XPR1: variants seen among roughly 807,000 people sequenced by gnomAD.
XPR1 encodes the protein xenotropic and polytropic retrovirus receptor 1, also known as solute carrier family 53 member 1.
Under a neutral mutation model 87.5 loss-of-function variants are expected in XPR1, and 28 were observed. The observed-to-expected ratio is 0.32, with a 90% CI of 0.24 to 0.44. XPR1 has a LOEUF of 0.44. Among genes scored for constraint, XPR1 ranks in the 20% least tolerant of loss-of-function variants. The pLI, the probability that XPR1 is intolerant of heterozygous loss-of-function variation, is 1.00. For synonymous variants in XPR1, 300 were observed against 306.1 expected (o/e 0.98, Z 0.21); for missense variants, 559 against 862.3 (o/e 0.65, Z 4.41).
At chr1:180,785,318 A>G (rs1400721468) in intron 2 of XPR1, among the ~76,000 whole-genome samples, 1 of 151,620 alleles carries the variant, frequency 6.6e-6, no homozygotes, top group Non-Finnish European at 1.5e-5. Context: ...ATGCCCAACT[A>G]ATTTTTGTAT....
intron 7 of XPR1, among the ~76,000 whole-genome samples, chr1:180,815,686 G>T (rs1650382416): frequency 6.6e-6 from 1 of 151,386 alleles, no homozygotes; most frequent in Admixed American, 6.6e-5. Flanking sequence ...TGTTTCTTTT[G>T]CAGGTTCCTA....
intron 1 of XPR1, among the ~76,000 whole-genome samples, chr1:180,640,378 A>G (rs770562607): frequency 3.3e-5 from 5 of 152,214 alleles, no homozygotes; most frequent in Non-Finnish European, 7.3e-5. Context: ...CCGTTTCTAG[A>G]TGGTGGAGAC....
chr1:180,637,959 T>A (rs1322167539), intron 1 of XPR1, among the ~76,000 whole-genome samples: 1 of 152,212 alleles, frequency 6.6e-6, no homozygotes, highest in Non-Finnish European at 1.5e-5. Context: ...GTCTGTTTTT[T>A]CAGTTTATAG....
intron 1 of XPR1, among the ~76,000 whole-genome samples, chr1:180,672,821 T>C (rs1239051334): frequency 1.3e-5 from 2 of 152,162 alleles, no homozygotes; most frequent in South Asian, 4.1e-4. Context: ...AAGGTTTCCA[T>C]TTGGAAAGGT....
intron 2 of XPR1, among the ~76,000 whole-genome samples, chr1:180,702,336 T>C (rs1657370035): frequency 7.2e-6 from 1 of 139,400 alleles, no homozygotes; most frequent in Non-Finnish European, 1.5e-5. Flanking sequence ...TTACATTTGC[T>C]GAGGAGAGCT....
chr1:180,703,952 G>A (rs955114704), intron 2 of XPR1, among the ~76,000 whole-genome samples: 1 of 151,916 alleles, frequency 6.6e-6, no homozygotes, highest in Non-Finnish European at 1.5e-5. Context: ...GTTTGTTAGA[G>A]CTAATTTATA....
chr1:180,883,193 C>T (rs1299932560), intron 14 of XPR1, among the ~76,000 whole-genome samples: 3 of 146,576 alleles, frequency 2.0e-5, no homozygotes, highest in Non-Finnish European at 3.0e-5. Context: ...CTCAAACTGC[C>T]GGGCTAAGGC....
At chr1:180,842,311 G>A (rs970635658) in intron 11 of XPR1, among the ~76,000 whole-genome samples, 1 of 152,096 alleles carries the variant, frequency 6.6e-6, no homozygotes, top group African/African-American at 2.4e-5. Flanking sequence ...ATGTTTTGCT[G>A]CATGATTTGT....
chr1:180,676,882 G>A (rs921421301), intron 1 of XPR1, among the ~76,000 whole-genome samples: 2 of 152,138 alleles, frequency 1.3e-5, no homozygotes, highest in African/African-American at 4.8e-5. Flanking sequence ...AAAAGATGTG[G>A]TCCATTAATA....
intron 2 of XPR1, among the ~76,000 whole-genome samples, chr1:180,692,885 C>T (rs780504593): frequency 6.6e-6 from 1 of 151,988 alleles, no homozygotes; most frequent in African/African-American, 2.4e-5. Context: ...GTTATAAACA[C>T]GGGTTTATAA....
intron 1 of XPR1, among the ~76,000 whole-genome samples, chr1:180,678,632 A>G (rs1656446383): frequency 6.6e-6 from 1 of 152,092 alleles, no homozygotes; most frequent in African/African-American, 2.4e-5. Flanking sequence ...TGTACATCCA[A>G]CATTTTAATA....
chr1:180,703,308 A>G (rs1182782614), intron 2 of XPR1, among the ~76,000 whole-genome samples: 1 of 152,014 alleles, frequency 6.6e-6, no homozygotes, highest in Non-Finnish European at 1.5e-5. Context: ...AGTGGTGGTG[A>G]TGGGTGGAGT....
At chr1:180,706,777 A>G (rs1298410311) in intron 2 of XPR1, among the ~76,000 whole-genome samples, 1 of 150,776 alleles carries the variant, frequency 6.6e-6, no homozygotes, top group Non-Finnish European at 1.5e-5. Context: ...ATGCCTGGCT[A>G]TTTTTTTTTA....
intron 2 of XPR1, among the ~76,000 whole-genome samples, chr1:180,753,800 T>G (rs1647622780): frequency 6.6e-6 from 1 of 152,232 alleles, no homozygotes. Context: ...AACATATATT[T>G]GTGTGGTTAA....
At chr1:180,740,417 A>C (rs1658875541) in intron 2 of XPR1, among the ~76,000 whole-genome samples, 1 of 151,488 alleles carries the variant, frequency 6.6e-6, no homozygotes, top group Non-Finnish European at 1.5e-5. Context: ...GTCAAATCAT[A>C]TGACCATGTT....
chr1:180,711,022 T>G (rs1466825854), intron 2 of XPR1, among the ~76,000 whole-genome samples: 2 of 135,474 alleles, frequency 1.5e-5, no homozygotes, highest in Non-Finnish European at 3.1e-5. Context: ...GACGGGTGGC[T>G]GCCGGGCGGA....
At chr1:180,659,353 G>A (rs1003727830) in intron 1 of XPR1, among the ~76,000 whole-genome samples, 20 of 62,272 alleles carry the variant, frequency 3.2e-4, no homozygotes, top group East Asian at 5.9e-4. Context: ...CCTTCCTTCC[G>A]TCCTTCCGTC....
chr1:180,670,224 CATCTAAA>C, intron 1 of XPR1, among the ~76,000 whole-genome samples: 1 of 152,104 alleles, frequency 6.6e-6, no homozygotes, highest in African/African-American at 2.4e-5. Context: ...AATTCATTTA[CATCTAAA>C]GTAATTACTG....
intron 11 of XPR1, among the ~76,000 whole-genome samples, chr1:180,845,299 A>AG (rs1651639792): frequency 6.6e-6 from 1 of 152,218 alleles, no homozygotes; most frequent in African/African-American, 2.4e-5. Flanking sequence ...TGACCTAGTA[A>AG]GTACCTTTCC....
Sources: allele counts gnomAD v4.1 joint callset (sites outside exome capture counted in the v4.1 genomes callset), GRCh38; gene constraint gnomAD v4.1.1; transcripts MANE v1.5; gene names NCBI Gene and HGNC (gene_info 2026-07-23, HGNC 2026-07-21).